The following SCLT1 variants were observed in gnomAD, a reference collection of about 807,000 sequenced individuals.
SCLT1 encodes the protein sodium channel and clathrin linker 1, also known as sodium channel-associated protein 1.
Under a neutral mutation model 112.8 loss-of-function variants are expected in SCLT1, and 78 were observed. The ratio of observed to expected loss-of-function variants is 0.69; its 90% CI spans 0.58 to 0.83. SCLT1 has a LOEUF of 0.83. Among genes scored for constraint, SCLT1 ranks in the 40% least tolerant of loss-of-function variants. The pLI is 0.00. For missense variants in SCLT1, 747 were observed against 770.4 expected (o/e 0.97, Z 0.36); for synonymous variants, 257 against 254.7 (o/e 1.01, Z -0.09).
chr4:128,951,518 T>G (rs1214793432), intron 14 of SCLT1, among the ~76,000 whole-genome samples: 1 of 152,166 alleles, frequency 6.6e-6, no homozygotes, highest in East Asian at 1.9e-4. Context: ...TCCCTGGAAG[T>G]CTTAGCCAGT....
At chr4:129,087,505 A>T (rs1028575596) in intron 1 of SCLT1, among the ~76,000 whole-genome samples, 1 of 151,882 alleles carries the variant, frequency 6.6e-6, no homozygotes, top group Non-Finnish European at 1.5e-5. Context: ...AAGGCACTTT[A>T]AGAGGCTGAG....
intron 18 of SCLT1, among the ~76,000 whole-genome samples, chr4:128,916,477 T>C (rs1384804318): frequency 1.3e-5 from 2 of 152,188 alleles, no homozygotes; most frequent in Non-Finnish European, 2.9e-5. Context: ...ATCTGCCAAG[T>C]GGCAGAAGCT....
chr4:129,022,074 A>C (rs889704254), intron 5 of SCLT1, among the ~76,000 whole-genome samples: 1 of 152,204 alleles, frequency 6.6e-6, no homozygotes, highest in African/African-American at 2.4e-5. Flanking sequence ...TTAGAAGAAA[A>C]ACTAACAAAC....
chr4:128,876,851 G>A (rs755983973), intron 3 of SCLT1, among the ~76,000 whole-genome samples: 3 of 152,184 alleles, frequency 2.0e-5, no homozygotes, highest in Non-Finnish European at 4.4e-5. Context: ...TGTCCTCCTA[G>A]ACTGAAACCT....
At chr4:129,056,227 T>G in intron 2 of SCLT1, among the ~76,000 whole-genome samples, 1 of 152,196 alleles carries the variant, frequency 6.6e-6, no homozygotes, top group East Asian at 1.9e-4. Flanking sequence ...GCTGTTCCTA[T>G]TTGGCCATCT....
In SCLT1 at chr4:128,959,195, T is replaced by G. The variant is rs538564315; in HGVS notation, c.1047+405A>C. On this transcript the variant is annotated intron_variant, in intron 12 of 20. Coordinates refer to ENST00000281142, the MANE Select transcript of SCLT1 (RefSeq NM_144643.4). ...CAGTAAATAAATCTTTAAAGCTAAT[T>G]AAGCTTCCGCTTTAATAAAGTAATT... is the stretch of plus-strand genomic sequence containing the variant. Among the ~76,000 whole-genome samples, 534 of 152,292 alleles carry G rather than the reference T, an allele frequency of 3.5e-3. 4 individuals are homozygous for G. Among genetic ancestry groups the G allele is most frequent in the Non-Finnish European group, 5.6e-3 (378 of 68,004 alleles).
At chr4:129,026,313 C>A (rs1746072200) in intron 5 of SCLT1, among the ~76,000 whole-genome samples, 1 of 152,132 alleles carries the variant, frequency 6.6e-6, no homozygotes, top group African/African-American at 2.4e-5. Flanking sequence ...AAGCTCTCCT[C>A]AGCAAATGTA....
At chr4:129,039,169 T>A in intron 4 of SCLT1, 73 bp from the exon 5 acceptor site, 2 of 886,720 alleles carry the variant, frequency 2.3e-6, no homozygotes, top group Non-Finnish European at 3.7e-6. Flanking sequence ...ACCACTCACG[T>A]AAGCAATCAG....
At chr4:128,970,496 CTG>C in intron 9 of SCLT1, 28 bp from the exon 10 acceptor site, 1 of 1,205,908 alleles carries the variant, frequency 8.3e-7, no homozygotes. Context: ...TTAATAAACA[CTG>C]TTTTCATAGA....
chr4:129,013,072 T>C (rs540183864), intron 5 of SCLT1, among the ~76,000 whole-genome samples: 1 of 152,246 alleles, frequency 6.6e-6, no homozygotes, highest in South Asian at 2.1e-4. Flanking sequence ...TTGTTGTACA[T>C]ATTATTTCAT....
chr4:129,044,176 G>T, intron 2 of SCLT1, 125 bp from the exon 3 acceptor site: 1 of 516,206 alleles, frequency 1.9e-6, no homozygotes, highest in Non-Finnish European at 3.5e-6. Context: ...AATTCAAAAT[G>T]AGAGAAAAAA....
At chr4:128,891,252 A>G in intron 18 of SCLT1, 115 bp from the exon 19 acceptor site, 1 of 751,608 alleles carries the variant, frequency 1.3e-6, no homozygotes, top group Non-Finnish European at 2.2e-6. Context: ...GAGGTGGAAA[A>G]TAAAGTCACT....
intron 7 of SCLT1, among the ~76,000 whole-genome samples, chr4:128,998,858 G>A (rs1376340916): frequency 9.2e-5 from 14 of 151,760 alleles, no homozygotes; most frequent in Admixed American, 9.2e-4. Flanking sequence ...TCATTAACCA[G>A]AATTTGAAAA....
At chr4:129,072,159 G>GTC (rs1369797913) in intron 2 of SCLT1, among the ~76,000 whole-genome samples, 2 of 152,018 alleles carry the variant, frequency 1.3e-5, no homozygotes, top group Admixed American at 1.3e-4. Flanking sequence ...CTTCCAGCTT[G>GTC]TCTACTGAGA....
At chr4:128,960,783 G>A (rs1286446502) in intron 11 of SCLT1, among the ~76,000 whole-genome samples, 1 of 150,844 alleles carries the variant, frequency 6.6e-6, no homozygotes, top group Non-Finnish European at 1.5e-5. Flanking sequence ...AGCCGGGCTC[G>A]GTGGCGGGCG....
At chr4:128,938,392 A>T (rs1296032298) in intron 17 of SCLT1, among the ~76,000 whole-genome samples, 1 of 152,206 alleles carries the variant, frequency 6.6e-6, no homozygotes, top group Admixed American at 6.5e-5. Context: ...TTGCTTTCTC[A>T]AATAGTACAC....
rs147782657 is a variant in SCLT1 at position 128,952,807 on chromosome 4, T to C, written c.1180A>G (p.Ile394Val). The C allele has an allele frequency of 6.2e-5, 98 of 1,568,126 alleles. No individual in the cohort carries two copies. The highest frequency in any genetic ancestry group is 2.6e-5 in the Non-Finnish European group (30 of 1,138,344). ...GAAAGTTCTTCTGTTAATCGAGAAATTTGTATATTACATTGTTTTTTGGTG... is the reference window on the plus strand; with the variant it reads ...GAAAGTTCTTCTGTTAATCGAGAAACTTGTATATTACATTGTTTTTTGGTG... ...ANTKKQCNIQ[I>V]SRLTEELSAL... Residue 394 changes from isoleucine (I) to valine (V), a missense_variant, in exon 14 of 21, where the codon ATT (isoleucine) becomes GTT (valine). By Grantham distance (29) the Ile-to-Val change is conservative. Transcript: ENST00000281142.
intron 19 of SCLT1, 46 bp from the exon 20 acceptor site, chr4:128,888,820 T>C (rs538325926): frequency 1.1e-5 from 13 of 1,168,008 alleles, no homozygotes; most frequent in African/African-American, 9.2e-5. Flanking sequence ...ATATGTGACA[T>C]GGAGATGTTT....
In SCLT1 at chr4:128,891,161, A is replaced by G. The variant is rs533328046; in HGVS notation, c.1830-24T>C. On this transcript the variant is annotated intron_variant, in intron 18 of 20. Transcript: ENST00000281142. ...TCCTATTAAGAGCACCAAAAAATCC[A>G]TTAATATAATTGTTCCAAATAGAAA... is the stretch of plus-strand genomic sequence containing the variant. The G allele has an allele frequency of 3.3e-6, 5 of 1,528,492 alleles. No individual in the cohort carries two copies. In the East Asian group the frequency reaches 1.1e-4, roughly 35 times the overall value. The allele number at this position is 1,528,492 out of a possible 1,614,324, so 94.7% of individuals were successfully genotyped here. A position where few individuals can be genotyped will look rare whatever the true frequency, so the allele number is the denominator to read the frequency against.
Sources: gnomAD v4.1 joint callset for allele counts (sites outside exome capture counted in the v4.1 genomes callset) on GRCh38, gnomAD v4.1.1 for gene constraint, MANE v1.5 for transcripts, NCBI Gene and HGNC (gene_info 2026-07-23, HGNC 2026-07-21) for gene names.